Variants in VANGL1 observed in about 807,000 individuals in gnomAD.
VANGL1 encodes vang-like protein 1.
In VANGL1, 18 loss-of-function variants were observed where a neutral mutation model predicts 48.4. The ratio of observed to expected loss-of-function variants is 0.37; its 90% CI spans 0.26 to 0.55. The LOEUF (loss-of-function observed/expected upper bound fraction) is 0.55, where lower values mean the gene tolerates loss of function less well. Among genes scored for constraint, VANGL1 ranks in the 20% least tolerant of loss-of-function variants. The pLI is 0.81. For synonymous variants in VANGL1, 257 were observed against 261.8 expected, an observed-to-expected ratio of 0.98 and a Z score of 0.18; for missense variants, 667 against 675.8, an observed-to-expected ratio of 0.99 and a Z score of 0.14.
rs1421028556 is a variant in VANGL1 at position 115,697,360 on chromosome 1, C to T, written c.*5981C>T. Reference sequence around the variant, plus strand: ...CATCATTCTTTAAAAAGGGAACATACAAAAATCTAAACTATGGCAATAATT... The same window carrying T: ...CATCATTCTTTAAAAAGGGAACATATAAAAATCTAAACTATGGCAATAATT... On this transcript the variant is annotated 3_prime_UTR_variant, in exon 8 of 8. Coordinates refer to ENST00000355485, the MANE Select transcript of VANGL1 (RefSeq NM_138959.3). 6.6e-6 allele frequency: 1 copy of T among 152,134 alleles called. No homozygotes were observed. The highest frequency in any genetic ancestry group is 1.5e-5 in the Non-Finnish European group (1 of 68,022). 9.4% of individuals were successfully genotyped at this position (152,134 alleles called of 1,614,324 possible).
At chr1:115,677,593 C>T (rs1424592429) in intron 4 of VANGL1, among the ~76,000 whole-genome samples, 1 of 152,214 alleles carries the variant, frequency 6.6e-6, no homozygotes, top group Admixed American at 6.5e-5. Flanking sequence ...GGCGTACCTT[C>T]ATGTGCTGTT....
chr1:115,675,350 A>G (rs1263375869), intron 4 of VANGL1, among the ~76,000 whole-genome samples: 1 of 152,170 alleles, frequency 6.6e-6, no homozygotes, highest in Non-Finnish European at 1.5e-5. Flanking sequence ...AAATACAAAA[A>G]ATGAGCCAGG....
rs761419229 is a variant in VANGL1 at position 115,683,972 on chromosome 1, C to G, written c.975C>G (p.Ser325=). The G allele has an allele frequency of 1.2e-6, 2 of 1,613,872 alleles. No homozygotes were observed. Among genetic ancestry groups the G allele is most frequent in the African/African-American group, 2.7e-5 (2 of 74,884 alleles). ...CCAGTAACAATGCCACTGGCCAGTC[C>G]CGGGCCATGATTGCTGCAGCTGCTC... ...DGPSNNATGQ[S]RAMIAAAARR... Residue 325 remains serine, a synonymous_variant, in exon 6 of 8, where the codon TCC becomes TCG. Transcript: ENST00000355485.
At chr1:115,684,629 C>T (rs1050195766) in intron 6 of VANGL1, among the ~76,000 whole-genome samples, 1 of 152,174 alleles carries the variant, frequency 6.6e-6, no homozygotes, top group African/African-American at 2.4e-5. Flanking sequence ...AGAGACCCTA[C>T]CCAATAGGTG....
chr1:115,681,452 G>C (rs909679512), intron 4 of VANGL1, among the ~76,000 whole-genome samples: 1 of 151,970 alleles, frequency 6.6e-6, no homozygotes, highest in Non-Finnish European at 1.5e-5. Context: ...CAAGGGGCAG[G>C]GGGACCCAGA....
chr1:115,677,344 A>C (rs1178179942), intron 4 of VANGL1, among the ~76,000 whole-genome samples: 1 of 152,244 alleles, frequency 6.6e-6, no homozygotes, highest in Non-Finnish European at 1.5e-5. Flanking sequence ...TTGATTAGAC[A>C]CAAAAGACCA....
chr1:115,674,095 G>A (rs976063795), intron 4 of VANGL1, among the ~76,000 whole-genome samples: 1 of 152,176 alleles, frequency 6.6e-6, no homozygotes, highest in Non-Finnish European at 1.5e-5. Context: ...GCTCTATTGT[G>A]GATGTTTGGG....
chr1:115,665,027 G>A (rs1172284407), intron 4 of VANGL1, among the ~76,000 whole-genome samples: 1 of 152,198 alleles, frequency 6.6e-6, no homozygotes. Context: ...CTAGGGCTTA[G>A]GGGATTTAAG....
rs1653717415 is a variant in VANGL1 at position 115,688,423 on chromosome 1, G to A, written c.1315-2696G>A. ...TGTTATTTATGTATCACCTATGGCT[G>A]CTTTCACTTTGCACCAACAGAGCTG... is the stretch of plus-strand genomic sequence containing the variant. On this transcript the variant is annotated intron_variant, in intron 7 of 7. Transcript: ENST00000355485. Among the ~76,000 whole-genome samples, 2 of 139,108 alleles carry A rather than the reference G, an allele frequency of 1.4e-5. 1 individual carries two copies. Among genetic ancestry groups the A allele is most frequent in the African/African-American group, 5.4e-5 (2 of 37,066 alleles). 91.3% of individuals were successfully genotyped at this position (139,108 alleles called of 152,430 possible).
Position 115,682,292 on chromosome 1 carries a change from AG to A in VANGL1, c.813-71del. ...TTGTGTTCCTTTACCTGACTCCAAA[AG>A]AGGATTTTTCGTTTAGGACCTGCTT... On this transcript the variant is annotated intron_variant, in intron 4 of 7. Coordinates refer to ENST00000355485, the MANE Select transcript of VANGL1 (RefSeq NM_138959.3). The A allele has an allele frequency of 1.9e-6, 3 of 1,595,078 alleles. No homozygotes were observed. In the Admixed American group the frequency reaches 5.1e-5, roughly 27 times the overall value.
rs1413972522 is a variant in VANGL1, at chr1:115,688,895, T to A, written c.1315-2224T>A. On this transcript the variant is annotated intron_variant, in intron 7 of 7. Transcript: ENST00000355485. ...AACTCCACCTCCCGGGTTCACACCA[T>A]TCTCCTGCCTCAGCCTCCCGAGTAA... Among the ~76,000 whole-genome samples, 6 of 134,480 alleles carry A rather than the reference T, an allele frequency of 4.5e-5. 2 individuals carry two copies. The highest frequency in any genetic ancestry group is 6.4e-5 in the Non-Finnish European group (4 of 62,240). 88.2% of individuals were successfully genotyped at this position (134,480 alleles called of 152,430 possible).
chr1:115,693,742 A>T lies in VANGL1; in HGVS notation c.*2363A>T, dbSNP rs1327365663. The stretch of plus-strand genomic sequence containing the variant: ...AGCTTGAGTTACTTTTGCAGTGGGA[A>T]CAATGTAAATGACATTTAAAAGATT... On this transcript the variant is annotated 3_prime_UTR_variant, in exon 8 of 8. Transcript: ENST00000355485. 1.3e-5 allele frequency: 2 copies of T among 152,216 alleles called. No individual in the cohort carries two copies. Among genetic ancestry groups the T allele is most frequent in the African/African-American group, 4.8e-5 (2 of 41,458 alleles). 9.4% of individuals were successfully genotyped at this position (152,216 alleles called of 1,614,324 possible). A position where few individuals can be genotyped will look rare whatever the true frequency, so the allele number is the denominator to read the frequency against.
chr1:115,671,327 C>G lies in VANGL1; in HGVS notation c.812+7059C>G, dbSNP rs562652202. 7 of 152,314 alleles carry G rather than the reference C, an allele frequency of 4.6e-5. No homozygotes were observed. The East Asian group carries it at 1.3e-3, about 29-fold the overall frequency. The allele number at this position is 152,314 out of a possible 1,614,324, so 9.4% of individuals were successfully genotyped here. Reference sequence around the variant, plus strand: ...GACACGGTGTGAAAGTGGAGGGGCGCGAGCACTCAGGTGGGTGAACAGCCT... The same window carrying G: ...GACACGGTGTGAAAGTGGAGGGGCGGGAGCACTCAGGTGGGTGAACAGCCT... On this transcript the variant is annotated intron_variant, in intron 4 of 7. Coordinates refer to ENST00000355485, the MANE Select transcript of VANGL1 (RefSeq NM_138959.3).
At chr1:115,678,177 C>G (rs1309997804) in intron 4 of VANGL1, among the ~76,000 whole-genome samples, 1 of 152,212 alleles carries the variant, frequency 6.6e-6, no homozygotes, top group African/African-American at 2.4e-5. Flanking sequence ...TCGAAGATAT[C>G]ACAAGTCATG....
chr1:115,646,110 G>A (rs1651903426), intron 1 of VANGL1, among the ~76,000 whole-genome samples: 1 of 152,148 alleles, frequency 6.6e-6, no homozygotes, highest in East Asian at 1.9e-4. Context: ...GAGTGAACAT[G>A]ACTTTAGGAG....
At chr1:115,685,668 CTTATT>C (rs1453695567) in intron 7 of VANGL1, 141 bp downstream of exon 7, 16 of 926,340 alleles carry the variant, frequency 1.7e-5, no homozygotes, top group African/African-American at 6.5e-5. Context: ...GTGATTCTCA[CTTATT>C]TTATGTTATG....
chr1:115,660,961 G>A (rs113109514), intron 3 of VANGL1, among the ~76,000 whole-genome samples: 4,016 of 152,214 alleles, frequency 0.026, 190 homozygotes, highest in African/African-American at 0.092. Flanking sequence ...ACTTGAAGGG[G>A]TCAGTTTCCT....
chr1:115,681,900 C>G (rs528288227), intron 4 of VANGL1, among the ~76,000 whole-genome samples: 2 of 152,286 alleles, frequency 1.3e-5, no homozygotes, highest in Non-Finnish European at 2.9e-5. Context: ...CCAGGGATAC[C>G]AAGGCCTAGG....
intron 4 of VANGL1, among the ~76,000 whole-genome samples, chr1:115,678,951 C>CAA (rs561934640): frequency 7.6e-4 from 92 of 121,832 alleles, no homozygotes; most frequent in African/African-American, 1.1e-3. Context: ...GAGACTGTCT[C>CAA]AAAAAAAAAA....
Sources: gnomAD v4.1 joint callset for allele counts (sites outside exome capture counted in the v4.1 genomes callset) on GRCh38, gnomAD v4.1.1 for gene constraint, MANE v1.5 for transcripts, NCBI Gene and HGNC (gene_info 2026-07-23, HGNC 2026-07-21) for gene names.